The following DUSP15 variants were observed in gnomAD, a reference collection of about 807,000 sequenced individuals.
DUSP15 encodes dual specificity protein phosphatase 15.
Under a neutral mutation model 26.3 loss-of-function variants are expected in DUSP15, and 23 were observed. The observed-to-expected ratio is 0.87, with a 90% CI of 0.63 to 1.24. DUSP15 has a LOEUF of 1.24. Among genes scored for constraint, DUSP15 ranks in the 50% most tolerant of loss-of-function variants. The pLI is 0.00. For synonymous variants in DUSP15, 143 were observed against 135.5 expected (o/e 1.06, Z -0.39); for missense variants, 364 against 320.6 (o/e 1.14, Z -1.03).
At chr20:31,855,333 T>C (rs542669219) in intron 6 of DUSP15, among the ~76,000 whole-genome samples, 4 of 152,316 alleles carry the variant, frequency 2.6e-5, no homozygotes, top group African/African-American at 7.2e-5. Context: ...ATGAAACTGA[T>C]ACAAGTGTTG....
At chr20:31,854,951 G>C (rs1410011055) in intron 6 of DUSP15, among the ~76,000 whole-genome samples, 1 of 152,148 alleles carries the variant, frequency 6.6e-6, no homozygotes, top group African/African-American at 2.4e-5. Context: ...GTTTCTGTTT[G>C]AGGAACTTTA....
Position 31,870,203 on chromosome 20 carries a change from C to T in DUSP15, c.21+114G>A, listed in dbSNP as rs2062891196. The stretch of plus-strand genomic sequence containing the variant: ...AGTCACAGGGACACGGAGATGCCGC[C>T]GCACGGAGACCGGCGAGAACAGAAG... On this transcript the variant is annotated intron_variant, in intron 1 of 6. Coordinates refer to ENST00000339738, the MANE Select transcript of DUSP15 (RefSeq NM_080611.5). This position sits in a 1 kb window ranked among gnomAD's most constrained non-coding sequence, Gnocchi z 6.6. The T allele has an allele frequency of 3.3e-6, 4 of 1,225,418 alleles. No individual in the cohort carries two copies. In the South Asian group the frequency reaches 1.3e-4, roughly 39 times the overall value. 75.9% of individuals were successfully genotyped at this position (1,225,418 alleles called of 1,614,324 possible).
upstream of DUSP15, chr20:31,870,613 C>T (rs1568713685): frequency 7.3e-7 from 1 of 1,373,786 alleles, no homozygotes; most frequent in Non-Finnish European, 9.4e-7. This position sits in a 1 kb window ranked among gnomAD's most constrained non-coding sequence, Gnocchi z 6.6. Flanking sequence ...CGGGTCGCGG[C>T]GGGGGGCCGG....
At chr20:31,861,941 G>A (rs1199823447) in intron 6 of DUSP15, among the ~76,000 whole-genome samples, 1 of 151,778 alleles carries the variant, frequency 6.6e-6, no homozygotes, top group African/African-American at 2.4e-5. Flanking sequence ...CTGCTAAAGT[G>A]ACCCCCAGGC....
chr20:31,857,377 G>A (rs1307006815), downstream of DUSP15, among the ~76,000 whole-genome samples: 4 of 150,334 alleles, frequency 2.7e-5, no homozygotes, highest in South Asian at 2.1e-4. Context: ...GACTGGTCTC[G>A]AACTCCTGGG....
In DUSP15 at chr20:31,864,822, GGACTGGTTGAGTT is replaced by G; in HGVS notation, c.188+118_188+130del. 3.1e-6 allele frequency: 3 copies of G among 952,748 alleles called. No individual in the cohort carries two copies. In the South Asian group the frequency reaches 4.5e-5, roughly 14 times the overall value. The allele number at this position is 952,748 out of a possible 1,614,324, so 59.0% of individuals were successfully genotyped here. The stretch of plus-strand genomic sequence containing the variant: ...CATGGTTGAGACAGAGTCAAACCTG[GGACTGGTTGAGTT>G]GAACACCTGTGATAGCTCTCTGGCC... On this transcript the variant is annotated intron_variant, in intron 4 of 6. Transcript: ENST00000339738.
Position 31,861,186 on chromosome 20 carries a change from G to A in DUSP15, c.*217C>T. ...CCCCCTCCCCCAGCCCAAGGACTAA[G>A]GCACCAGGTGGCTGCAGCAGGCCGG... On this transcript the variant is annotated 3_prime_UTR_variant, in exon 7 of 7. Coordinates refer to ENST00000339738, the MANE Select transcript of DUSP15 (RefSeq NM_080611.5). 7.4e-7 allele frequency: 1 copy of A among 1,342,930 alleles called. No homozygotes were observed. The highest frequency in any genetic ancestry group is 9.5e-7 in the Non-Finnish European group (1 of 1,053,442). 83.2% of individuals were successfully genotyped at this position (1,342,930 alleles called of 1,614,324 possible).
chr20:31,870,356 C>A lies in DUSP15; in HGVS notation c.-19G>T. 6 of 1,277,866 alleles carry A rather than the reference C, an allele frequency of 4.7e-6. No homozygotes were observed. Among genetic ancestry groups the A allele is most frequent in the Non-Finnish European group, 5.9e-6 (6 of 1,012,710 alleles). 79.2% of individuals were successfully genotyped at this position (1,277,866 alleles called of 1,614,324 possible). ...TGCCCATGATCCCGGGGGCGGCGGT[C>A]CGGGTGCACCCCCAGCTCGCCGCCC... is the stretch of plus-strand genomic sequence containing the variant. On this transcript the variant is annotated 5_prime_UTR_variant, in exon 1 of 7. Coordinates refer to ENST00000339738, the MANE Select transcript of DUSP15 (RefSeq NM_080611.5). The surrounding 1 kb of genome is among the most constrained non-coding windows in gnomAD (Gnocchi z 6.6).
exon 7 of DUSP15, chr20:31,850,675 C>A (rs1406424188): frequency 6.2e-7 from 1 of 1,611,004 alleles, no homozygotes; most frequent in Non-Finnish European, 8.5e-7. Flanking sequence ...ATGTCTGGCA[C>A]CCTGGTGAAG....
chr20:31,848,177 G>T, exon 10 of DUSP15: 1 of 501,418 alleles, frequency 2.0e-6, no homozygotes, highest in East Asian at 3.5e-5. Flanking sequence ...CTGCCTTTCT[G>T]GGGCCTCAAG....
rs754015010 is a variant in DUSP15 at position 31,862,555 on chromosome 20, T to C, written c.435+16A>G. The C allele has an allele frequency of 1.3e-6, 2 of 1,590,262 alleles. No individual in the cohort carries two copies. Among genetic ancestry groups the C allele is most frequent in the East Asian group, 2.3e-5 (1 of 44,434 alleles). On this transcript the variant is annotated intron_variant, in intron 6 of 6. Transcript: ENST00000339738. ...TCCCACCCCTGGCCCAACCCAGCCC[T>C]TGACCCCATCCCTACCTTCTGGGAA...
intron 3 of DUSP15, 39 bp from the exon 4 acceptor site, chr20:31,865,041 T>C: frequency 6.2e-7 from 1 of 1,611,674 alleles, no homozygotes; most frequent in Non-Finnish European, 8.5e-7. Flanking sequence ...GGACCTTGCC[T>C]GCAACCCTCC....
At position 31,870,247 on chromosome 20, in the gene DUSP15, G is replaced by A. The variant is rs889249887; in HGVS notation, c.21+70C>T. ...ACAGAAGGTCAGAGGCGGGCGGACC[G>A]AGCTGGTCAGCGCCGGGCCGCGGCG... On this transcript the variant is annotated intron_variant, in intron 1 of 6. Transcript: ENST00000339738. The surrounding 1 kb of genome is among the most constrained non-coding windows in gnomAD (Gnocchi z 6.6). 4.9e-6 allele frequency: 6 copies of A among 1,225,644 alleles called. No individual in the cohort carries two copies. The East Asian group carries it at 9.6e-5, about 20-fold the overall frequency. The allele number at this position is 1,225,644 out of a possible 1,614,324, so 75.9% of individuals were successfully genotyped here.
intron 1 of DUSP15, chr20:31,869,804 A>C (rs760813639): frequency 1.7e-5 from 24 of 1,435,792 alleles, no homozygotes; most frequent in Non-Finnish European, 2.1e-5. Context: ...GGGCCAGTTA[A>C]CCAACCGAGG....
chr20:31,851,788 A>T (rs556955445), intron 6 of DUSP15, among the ~76,000 whole-genome samples: 32 of 152,218 alleles, frequency 2.1e-4, no homozygotes, highest in African/African-American at 7.2e-4. Flanking sequence ...AGGCTCAGCC[A>T]CTTCCCAGGA....
intron 2 of DUSP15, among the ~76,000 whole-genome samples, chr20:31,868,841 C>T (rs994138744): frequency 1.7e-4 from 26 of 152,220 alleles, no homozygotes; most frequent in African/African-American, 5.8e-4. Flanking sequence ...GCTCTGCCTG[C>T]CTGCCACCAG....
rs1568677669 is a variant in DUSP15, at chr20:31,861,226, C to T, written c.*177G>A. 1 of 1,355,094 alleles carries T rather than the reference C, an allele frequency of 7.4e-7. No homozygotes were observed. Among genetic ancestry groups the T allele is most frequent in the African/African-American group, 1.5e-5 (1 of 64,890 alleles). The allele number at this position is 1,355,094 out of a possible 1,614,324, so 83.9% of individuals were successfully genotyped here. A position where few individuals can be genotyped will look rare whatever the true frequency, so the allele number is the denominator to read the frequency against. ...CAGCAGGCCGGCCCGGACACAGAGA[C>T]GCACAGGTTGGGGACGCTGACTGCA... On this transcript the variant is annotated 3_prime_UTR_variant, in exon 7 of 7. Transcript: ENST00000339738.
downstream of DUSP15, among the ~76,000 whole-genome samples, chr20:31,856,189 C>T (rs1276151890): frequency 2.6e-5 from 4 of 152,068 alleles, no homozygotes; most frequent in South Asian, 2.1e-4. Flanking sequence ...CAAAGGGAAT[C>T]GCATGTGCAA....
intron 5 of DUSP15, 107 bp from the exon 6 acceptor site, chr20:31,862,849 A>C: frequency 8.3e-7 from 1 of 1,205,584 alleles, no homozygotes; most frequent in Non-Finnish European, 1.1e-6. Context: ...CCTGAGCTCC[A>C]ACCATAAGGG....
Sources: gnomAD v4.1 joint callset for allele counts (sites outside exome capture counted in the v4.1 genomes callset) on GRCh38, gnomAD v4.1.1 for gene constraint, Gnocchi (gnomAD v3.1) non-coding constraint, MANE v1.5 for transcripts, NCBI Gene and HGNC (gene_info 2026-07-23, HGNC 2026-07-21) for gene names.